Variants in ABLIM2 observed in about 807,000 individuals in gnomAD.
The protein encoded by ABLIM2 is actin binding LIM protein family member 2, also known as actin-binding LIM protein 2.
A neutral mutation model predicts 97.7 loss-of-function variants in ABLIM2; 53 were observed. That is an observed-to-expected ratio of 0.54 (90% CI 0.44 to 0.68). ABLIM2 has a LOEUF of 0.68. Ranked by LOEUF, ABLIM2 falls within the 30% of genes least tolerant of loss-of-function variation. The pLI is 0.00. For synonymous variants in ABLIM2, 361 were observed against 345.8 expected (o/e 1.04, Z -0.49); for missense variants, 835 against 867.2 (o/e 0.96, Z 0.47).
At position 8,084,900 on chromosome 4, in the gene ABLIM2, C is replaced by G. The variant is rs370695812; in HGVS notation, c.454+3269G>C. On this transcript the variant is annotated intron_variant, in intron 4 of 20. Transcript: ENST00000447017. ...TCTGGGCTCAGAGCTGCCTCTGGTT[C>G]GGCACGGCGCTCGCACTCTGCGACG... is the stretch of plus-strand genomic sequence containing the variant. Among the ~76,000 whole-genome samples the G allele has an allele frequency of 9.8e-5, 15 of 152,330 alleles. No homozygotes were observed. The East Asian group carries it at 2.7e-3, about 27-fold the overall frequency.
chr4:8,117,845 G>A (rs147349921), intron 1 of ABLIM2, among the ~76,000 whole-genome samples: 21 of 152,306 alleles, frequency 1.4e-4, no homozygotes, highest in Admixed American at 2.6e-4. Context: ...CCCACGCAGC[G>A]TCCTGTTGGC....
chr4:8,007,277 G>A (rs1384562040), intron 16 of ABLIM2: 2 of 985,264 alleles, frequency 2.0e-6, no homozygotes, highest in African/African-American at 3.5e-5. Flanking sequence ...CGACGGGTCA[G>A]TGGTGAGCTC....
At chr4:8,055,244 C>T (rs1798332052) in intron 7 of ABLIM2, among the ~76,000 whole-genome samples, 2 of 152,216 alleles carry the variant, frequency 1.3e-5, no homozygotes, top group Admixed American at 1.3e-4. Flanking sequence ...CTCTCTCTGC[C>T]CACCTTCCCA....
chr4:8,062,615 AT>A (rs1202864534), intron 6 of ABLIM2, among the ~76,000 whole-genome samples: 1 of 151,440 alleles, frequency 6.6e-6, no homozygotes, highest in Admixed American at 6.6e-5. Context: ...ATTTTTTTGT[AT>A]TTTTAGTAGA....
chr4:8,154,336 T>C (rs1293990356), intron 1 of ABLIM2, among the ~76,000 whole-genome samples: 2 of 138,680 alleles, frequency 1.4e-5, no homozygotes, highest in Non-Finnish European at 3.1e-5. Context: ...GGCTGGAGTA[T>C]AGTGGCACGA....
chr4:8,118,765 A>G (rs1313589071), intron 1 of ABLIM2, among the ~76,000 whole-genome samples: 3 of 152,012 alleles, frequency 2.0e-5, no homozygotes, highest in African/African-American at 7.2e-5. Context: ...TGCCCATCTC[A>G]CCTGGGAAGA....
chr4:8,039,972 G>T (rs1357321623), intron 9 of ABLIM2, among the ~76,000 whole-genome samples: 1 of 150,932 alleles, frequency 6.6e-6, no homozygotes, highest in Non-Finnish European at 1.5e-5. Flanking sequence ...ATGGTTTATG[G>T]AGGGTCTACT....
chr4:8,070,243 T>C (rs1811039455), intron 6 of ABLIM2, among the ~76,000 whole-genome samples: 1 of 151,262 alleles, frequency 6.6e-6, no homozygotes, highest in Admixed American at 6.6e-5. Context: ...GTCCTGTGTC[T>C]CTGTGTCCAC....
At position 7,996,017 on chromosome 4, in the gene ABLIM2, C is replaced by T. The variant is rs1009952972; in HGVS notation, c.1619-3090G>A. 2.0e-5 allele frequency among the ~76,000 whole-genome samples: 3 copies of T among 152,138 alleles called. No individual in the cohort carries two copies. Among genetic ancestry groups the T allele is most frequent in the African/African-American group, 7.2e-5 (3 of 41,434 alleles). ...CCTGCCTTGCAGTCCTGGGGTCCTCCAGGAGACACCTTCCTCCTCCTTCAT... is the reference window on the plus strand; with the variant it reads ...CCTGCCTTGCAGTCCTGGGGTCCTCTAGGAGACACCTTCCTCCTCCTTCAT... On this transcript the variant is annotated intron_variant, in intron 16 of 20. Coordinates refer to ENST00000447017, the MANE Select transcript of ABLIM2 (RefSeq NM_001130083.2). The surrounding 1 kb of genome is among the most constrained non-coding windows in gnomAD (Gnocchi z 4.5).
Position 8,149,287 on chromosome 4 carries a change from T to A in ABLIM2, c.10+9393A>T, listed in dbSNP as rs1711747813. Among the ~76,000 whole-genome samples, 1 of 152,080 alleles carries A rather than the reference T, an allele frequency of 6.6e-6. No homozygotes were observed. The highest frequency in any genetic ancestry group is 2.1e-4 in the South Asian group (1 of 4,822). On this transcript the variant is annotated intron_variant, in intron 1 of 20. Coordinates refer to ENST00000447017, the MANE Select transcript of ABLIM2 (RefSeq NM_001130083.2). This position sits in a 1 kb window ranked among gnomAD's most constrained non-coding sequence, Gnocchi z 6.4. The stretch of plus-strand genomic sequence containing the variant: ...CCCTGTGGCAAAATCCTTCACATAG[T>A]CGCATATGAACAGTCATTTTGCCGC...
intron 20 of ABLIM2, among the ~76,000 whole-genome samples, chr4:7,975,712 T>C (rs989055378): frequency 2.6e-5 from 4 of 152,178 alleles, no homozygotes; most frequent in African/African-American, 4.8e-5. Flanking sequence ...GGCCAAACAA[T>C]ATCTAACTAA....
At chr4:8,034,908 G>A (rs1390634438) in intron 10 of ABLIM2, among the ~76,000 whole-genome samples, 6 of 117,604 alleles carry the variant, frequency 5.1e-5, no homozygotes, top group Non-Finnish European at 5.4e-5. Flanking sequence ...GTGGGTGCGG[G>A]TGGGTGGTGG....
rs540542302 is a variant in ABLIM2 at position 7,980,878 on chromosome 4, C to T, written c.1824+2386G>A. 6.7e-5 allele frequency among the ~76,000 whole-genome samples: 10 copies of T among 150,340 alleles called. No homozygotes were observed. In the East Asian group the frequency reaches 2.0e-3, roughly 29 times the overall value. On this transcript the variant is annotated intron_variant, in intron 20 of 20. Transcript: ENST00000447017. ...AGGAAACATTTGCCATCTATTGCCT[C>T]TAAGGAAGGCCACCTATGAGACTTC...
chr4:8,072,135 G>C lies in ABLIM2; in HGVS notation c.675+5493C>G. On this transcript the variant is annotated intron_variant, in intron 6 of 20. Coordinates refer to ENST00000447017, the MANE Select transcript of ABLIM2 (RefSeq NM_001130083.2). The surrounding 1 kb of genome is among the most constrained non-coding windows in gnomAD (Gnocchi z 5.8). ...ACAAAAGCATTAATCTTCCCCAGGAGGCCCTTTCTCCTCCACAGCAGAGGA... is the reference window on the plus strand; with the variant it reads ...ACAAAAGCATTAATCTTCCCCAGGACGCCCTTTCTCCTCCACAGCAGAGGA... 2 of 907,938 alleles carry C rather than the reference G, an allele frequency of 2.2e-6. No individual in the cohort carries two copies. Among genetic ancestry groups the C allele is most frequent in the Non-Finnish European group, 2.6e-6 (2 of 759,246 alleles). The allele number at this position is 907,938 out of a possible 1,614,324, so 56.2% of individuals were successfully genotyped here.
chr4:8,154,176 A>C (rs56307233), intron 1 of ABLIM2, among the ~76,000 whole-genome samples: 48,417 of 150,196 alleles, frequency 0.32, 9,421 homozygotes, highest in Non-Finnish European at 0.44. Context: ...GTTAGCCAGG[A>C]TGGTCTCCAT....
rs1791166821 is a variant in ABLIM2, at chr4:8,044,755, G to A, written c.900+409C>T. Among the ~76,000 whole-genome samples, 1 of 151,718 alleles carries A rather than the reference G, an allele frequency of 6.6e-6. No individual in the cohort carries two copies. The highest frequency in any genetic ancestry group is 2.4e-5 in the African/African-American group (1 of 41,264). On this transcript the variant is annotated intron_variant, in intron 9 of 20. Coordinates refer to ENST00000447017, the MANE Select transcript of ABLIM2 (RefSeq NM_001130083.2). The surrounding 1 kb of genome is among the most constrained non-coding windows in gnomAD (Gnocchi z 4.4). ...TTAACTTGCTTCTTTTAGGGAACACGCTGGGAGAGCGTGCGTGTTGATGTA... is the reference window on the plus strand; with the variant it reads ...TTAACTTGCTTCTTTTAGGGAACACACTGGGAGAGCGTGCGTGTTGATGTA...
intron 6 of ABLIM2, among the ~76,000 whole-genome samples, chr4:8,073,012 G>A (rs28624308): frequency 0.025 from 3,756 of 152,184 alleles, 174 homozygotes; most frequent in African/African-American, 0.086. Flanking sequence ...GGGCCGGTGC[G>A]AAGGGAGAGG....
At chr4:7,974,338 CCCATCCACCAAT>C (rs1730874196) in intron 20 of ABLIM2, among the ~76,000 whole-genome samples, 1 of 144,344 alleles carries the variant, frequency 6.9e-6, no homozygotes, top group Non-Finnish European at 1.5e-5. Context: ...AATCCATCCA[CCCATCCACCAAT>C]CCATCCACTC....
At chr4:8,048,640 C>T (rs1254801007) in intron 8 of ABLIM2, among the ~76,000 whole-genome samples, 2 of 152,212 alleles carry the variant, frequency 1.3e-5, no homozygotes. Flanking sequence ...GGAACGGCCC[C>T]GCGTTTGGTC....
Sources: allele counts gnomAD v4.1 joint callset (sites outside exome capture counted in the v4.1 genomes callset), GRCh38; gene constraint gnomAD v4.1.1; non-coding constraint Gnocchi (gnomAD v3.1); transcripts MANE v1.5; gene names NCBI Gene and HGNC (gene_info 2026-07-23, HGNC 2026-07-21).